Variants in RAP1A observed in about 807,000 individuals in gnomAD.
The protein encoded by RAP1A is ras-related protein Rap-1A.
A neutral mutation model predicts 26.4 loss-of-function variants in RAP1A; 6 were observed. The ratio of observed to expected loss-of-function variants is 0.23; its 90% CI spans 0.12 to 0.45. The LOEUF is 0.45. Ranked by LOEUF, RAP1A falls within the 20% of genes least tolerant of loss-of-function variation. RAP1A has a pLI of 0.99. For missense variants in RAP1A, 121 were observed against 217.2 expected (o/e 0.56, Z 2.78); for synonymous variants, 73 against 79.4 (o/e 0.92, Z 0.43).
At chr1:111,693,367 G>GT (rs1343706552) in intron 2 of RAP1A, among the ~76,000 whole-genome samples, 3 of 151,998 alleles carry the variant, frequency 2.0e-5, no homozygotes, top group African/African-American at 7.3e-5. Context: ...GTTAAGGGAG[G>GT]TTTTTGTTTT....
intron 1 of RAP1A, among the ~76,000 whole-genome samples, chr1:111,665,790 C>T (rs1050861972): frequency 6.6e-6 from 1 of 152,080 alleles, no homozygotes; most frequent in African/African-American, 2.4e-5. Context: ...TGATATTCCC[C>T]CCTTTCTTCT....
chr1:111,688,822 G>GTTTTTTTTTTT (rs767753356), intron 1 of RAP1A, among the ~76,000 whole-genome samples: 8 of 90,058 alleles, frequency 8.9e-5, no homozygotes, highest in East Asian at 3.7e-4. Flanking sequence ...TTTTTTTTTT[G>GTTTTTTTTTTT]TTTTTTTTTT....
chr1:111,648,732 G>A (rs1438092887), intron 1 of RAP1A: 8 of 593,294 alleles, frequency 1.3e-5, no homozygotes, highest in Non-Finnish European at 2.6e-5. Context: ...AGCAGACTGC[G>A]TGGTGACCAC....
intron 1 of RAP1A, among the ~76,000 whole-genome samples, chr1:111,665,954 G>T (rs1479646379): frequency 6.6e-6 from 1 of 152,104 alleles, no homozygotes; most frequent in African/African-American, 2.4e-5. Flanking sequence ...TAACCTTTGG[G>T]TTTGTCTTGA....
chr1:111,557,860 G>A (rs572151123), intron 1 of RAP1A, among the ~76,000 whole-genome samples: 27 of 152,248 alleles, frequency 1.8e-4, no homozygotes, highest in Admixed American at 1.8e-3. Context: ...AGATTAATCT[G>A]AGTAACAGCA....
At chr1:111,630,633 GATATTT>G (rs2101102841) in intron 1 of RAP1A, among the ~76,000 whole-genome samples, 1 of 152,296 alleles carries the variant, frequency 6.6e-6, no homozygotes, top group Non-Finnish European at 1.5e-5. Flanking sequence ...CTGAGATGGT[GATATTT>G]AATGTGGCAC....
rs960127556 is a variant in RAP1A, at chr1:111,716,206, C to T, written c.*3805C>T. 1 of 152,144 alleles carries T rather than the reference C, an allele frequency of 6.6e-6. No homozygotes were observed. Among genetic ancestry groups the T allele is most frequent in the Non-Finnish European group, 1.5e-5 (1 of 68,028 alleles). 9.4% of individuals were successfully genotyped at this position (152,144 alleles called of 1,614,324 possible). On this transcript the variant is annotated 3_prime_UTR_variant, in exon 8 of 8. Transcript: ENST00000369709. ...AGGGCAGAGTGGTTTGGATTCTTGT[C>T]CAGGGTCTGGAAAGAGCTCATCTTG... is the stretch of plus-strand genomic sequence containing the variant.
At chr1:111,638,610 G>T (rs1363886878) in intron 1 of RAP1A, among the ~76,000 whole-genome samples, 1 of 152,116 alleles carries the variant, frequency 6.6e-6, no homozygotes, top group African/African-American at 2.4e-5. Context: ...ATTTTTTGTA[G>T]AGACAGTGCT....
intron 7 of RAP1A, among the ~76,000 whole-genome samples, chr1:111,710,878 G>C (rs1191583817): frequency 6.6e-6 from 1 of 152,138 alleles, no homozygotes; most frequent in African/African-American, 2.4e-5. Context: ...TGTCACCCAG[G>C]CTGGAGTACA....
intron 7 of RAP1A, among the ~76,000 whole-genome samples, chr1:111,710,466 A>G (rs1662342069): frequency 6.6e-6 from 1 of 152,218 alleles, no homozygotes; most frequent in African/African-American, 2.4e-5. Flanking sequence ...GATTATTTTC[A>G]TGGAGTGGAT....
intron 1 of RAP1A, among the ~76,000 whole-genome samples, chr1:111,642,982 G>C (rs111888234): frequency 0.055 from 8,414 of 151,748 alleles, 254 homozygotes; most frequent in East Asian, 0.065. Context: ...GTGTTGGTCA[G>C]GCTGGTCTCA....
chr1:111,566,143 C>A (rs763937708), intron 1 of RAP1A, among the ~76,000 whole-genome samples: 1 of 152,082 alleles, frequency 6.6e-6, no homozygotes, highest in Admixed American at 6.6e-5. Context: ...TAACAGGGAG[C>A]TACCGAGGGA....
chr1:111,698,560 C>T (rs1264716676), intron 4 of RAP1A, among the ~76,000 whole-genome samples: 1 of 152,140 alleles, frequency 6.6e-6, no homozygotes, highest in Non-Finnish European at 1.5e-5. Flanking sequence ...TGAGCCATGG[C>T]ACCTGGCTGG....
Position 111,570,649 on chromosome 1 carries a change from G to A in RAP1A, c.-28+28140G>A, listed in dbSNP as rs1179869784. 3.9e-5 allele frequency among the ~76,000 whole-genome samples: 6 copies of A among 152,300 alleles called. No individual in the cohort carries two copies. The East Asian group carries it at 7.7e-4, about 20-fold the overall frequency. ...GTTCTGCAGGCTAAGAAGTTCAAGG[G>A]CATGGCCCTGGCTTCTGGTGAGGGT... On this transcript the variant is annotated intron_variant, in intron 1 of 7. Transcript: ENST00000356415.
At chr1:111,675,305 C>A (rs919880233) in intron 1 of RAP1A, among the ~76,000 whole-genome samples, 1 of 151,978 alleles carries the variant, frequency 6.6e-6, no homozygotes, top group Non-Finnish European at 1.5e-5. Flanking sequence ...CATGGTGAAA[C>A]CCCGTCTCTA....
At chr1:111,559,120 G>T (rs1657630229) in intron 1 of RAP1A, among the ~76,000 whole-genome samples, 1 of 151,852 alleles carries the variant, frequency 6.6e-6, no homozygotes, top group Non-Finnish European at 1.5e-5. Context: ...AAATATTTAG[G>T]ACTAAGTGAT....
intron 1 of RAP1A, among the ~76,000 whole-genome samples, chr1:111,554,899 A>G (rs913623615): frequency 3.3e-5 from 5 of 152,202 alleles, no homozygotes; most frequent in African/African-American, 1.2e-4. Flanking sequence ...ATACACAAGG[A>G]AACAAAATTC....
intron 1 of RAP1A, among the ~76,000 whole-genome samples, chr1:111,585,506 G>A (rs1013015181): frequency 6.6e-6 from 1 of 151,524 alleles, no homozygotes; most frequent in Non-Finnish European, 1.5e-5. Flanking sequence ...GCAGTAATAC[G>A]GTTTTTTTGA....
intron 1 of RAP1A, among the ~76,000 whole-genome samples, chr1:111,596,935 T>C (rs1557860895): frequency 6.6e-6 from 1 of 152,242 alleles, no homozygotes; most frequent in Admixed American, 6.5e-5. Flanking sequence ...ATTCATTCTA[T>C]AGCATAGATG....
Sources: allele counts gnomAD v4.1 joint callset (sites outside exome capture counted in the v4.1 genomes callset), GRCh38; gene constraint gnomAD v4.1.1; transcripts MANE v1.5; gene names NCBI Gene and HGNC (gene_info 2026-07-23, HGNC 2026-07-21).